Variants in MATCAP2 observed in about 807,000 individuals in gnomAD.
MATCAP2 encodes the protein putative tyrosine carboxypeptidase MATCAP2.
chr7:36,368,056 TAAAAA>T, the MATCAP2 span: 2 of 140,618 alleles, frequency 1.4e-5, no homozygotes, highest in Non-Finnish European at 3.1e-5. Flanking sequence ...AAAGTGAGAC[TAAAAA>T]AAAAAAAAAA....
chr7:36,326,946 A>T, the MATCAP2 span: 2 of 1,593,334 alleles, frequency 1.3e-6, no homozygotes, highest in Non-Finnish European at 1.7e-6. Context: ...GAGTTAAATT[A>T]AAAATGTAAC....
the MATCAP2 span, among the ~76,000 whole-genome samples, chr7:36,352,021 G>T: frequency 6.7e-6 from 1 of 149,962 alleles, no homozygotes; most frequent in Admixed American, 6.6e-5. Flanking sequence ...GACATCTATC[G>T]ATATCAAATG....
chr7:36,326,762 A>G, the MATCAP2 span: 1 of 1,612,558 alleles, frequency 6.2e-7, no homozygotes, highest in Non-Finnish European at 8.5e-7. Context: ...GCTAATTACT[A>G]TATAAGATCT....
chr7:36,379,748 A>C, the MATCAP2 span, among the ~76,000 whole-genome samples: 6 of 151,300 alleles, frequency 4.0e-5, no homozygotes, highest in Non-Finnish European at 7.4e-5. Context: ...TATTGCTGCT[A>C]GTCTACAAAC....
chr7:36,328,239 TAG>T, the MATCAP2 span, among the ~76,000 whole-genome samples: 4 of 25,236 alleles, frequency 1.6e-4, 1 homozygote, highest in African/African-American at 2.1e-4. Flanking sequence ...TTTGTTTTTG[TAG>T]GGGGGGGGGG....
the MATCAP2 span, among the ~76,000 whole-genome samples, chr7:36,375,643 G>C: frequency 1.3e-5 from 2 of 152,134 alleles, no homozygotes; most frequent in African/African-American, 4.8e-5. Context: ...CTATTGATTG[G>C]AATAGTTTCA....
At chr7:36,327,057 C>G in the MATCAP2 span, 34 of 681,442 alleles carry the variant, frequency 5.0e-5, no homozygotes, top group African/African-American at 5.6e-4. Flanking sequence ...TAACAAAAAT[C>G]AGTGACTTAC....
At chr7:36,326,156 T>G in the MATCAP2 span, 1 of 152,138 alleles carries the variant, frequency 6.6e-6, no homozygotes, top group Non-Finnish European at 1.5e-5. Context: ...GATTCTCTAA[T>G]TTAGTTCCTA....
At chr7:36,352,256 G>C in the MATCAP2 span, among the ~76,000 whole-genome samples, 2 of 151,650 alleles carry the variant, frequency 1.3e-5, no homozygotes, top group Non-Finnish European at 2.9e-5. Context: ...AAATAGCCGG[G>C]CATGGCAGCG....
At chr7:36,371,325 C>A in the MATCAP2 span, among the ~76,000 whole-genome samples, 1 of 152,048 alleles carries the variant, frequency 6.6e-6, no homozygotes, top group East Asian at 1.9e-4. Context: ...TGTTGCCAGG[C>A]TGGTTTTGAA....
At chr7:36,326,718 C>A in the MATCAP2 span, 2 of 1,557,470 alleles carry the variant, frequency 1.3e-6, no homozygotes, top group African/African-American at 2.7e-5. Flanking sequence ...TGGTAATATA[C>A]ATGGAGGCAT....
the MATCAP2 span, among the ~76,000 whole-genome samples, chr7:36,382,204 G>T: frequency 3.3e-5 from 5 of 149,588 alleles, no homozygotes. Context: ...CTACTCGGGA[G>T]GCTGAGGCAG....
the MATCAP2 span, among the ~76,000 whole-genome samples, chr7:36,373,299 G>A: frequency 6.6e-6 from 1 of 152,122 alleles, no homozygotes; most frequent in Non-Finnish European, 1.5e-5. Flanking sequence ...ATGAAGCACG[G>A]CAAATCGGTA....
the MATCAP2 span, among the ~76,000 whole-genome samples, chr7:36,340,589 A>G: frequency 6.6e-6 from 1 of 152,216 alleles, no homozygotes; most frequent in East Asian, 1.9e-4. Flanking sequence ...TCTTCTCTGA[A>G]TGTCTAGCCT....
chr7:36,381,843 C>T, the MATCAP2 span, among the ~76,000 whole-genome samples: 1 of 151,932 alleles, frequency 6.6e-6, no homozygotes, highest in Non-Finnish European at 1.5e-5. Flanking sequence ...ATGTCCTGAA[C>T]CCCAGCATTT....
At chr7:36,389,816 C>G in the MATCAP2 span, 1 of 920,434 alleles carries the variant, frequency 1.1e-6, no homozygotes, top group Non-Finnish European at 1.6e-6. Context: ...AGCGCGCATG[C>G]TCGCGGCTCG....
chr7:36,345,636 C>T, the MATCAP2 span, among the ~76,000 whole-genome samples: 2 of 152,130 alleles, frequency 1.3e-5, no homozygotes, highest in South Asian at 4.1e-4. Context: ...GGGGCTGGGA[C>T]AATTGGATAT....
the MATCAP2 span, among the ~76,000 whole-genome samples, chr7:36,347,055 G>T: frequency 7.9e-5 from 12 of 152,078 alleles, no homozygotes; most frequent in Non-Finnish European, 1.8e-4. Context: ...CACCGTGTCC[G>T]GTCTATTTTA....
chr7:36,371,651 A>G, the MATCAP2 span, among the ~76,000 whole-genome samples: 1 of 152,236 alleles, frequency 6.6e-6, no homozygotes, highest in Admixed American at 6.5e-5. Flanking sequence ...TAGGGGATAG[A>G]GGCTAGTAAA....
Sources: gnomAD v4.1 joint callset for allele counts (sites outside exome capture counted in the v4.1 genomes callset) on GRCh38, gnomAD v4.1.1 for gene constraint, MANE v1.5 for transcripts, NCBI Gene and HGNC (gene_info 2026-07-23, HGNC 2026-07-21) for gene names.